LRGUK: variants seen among roughly 807,000 people sequenced by gnomAD.
The protein encoded by LRGUK is leucine rich repeats and guanylate kinase domain containing.
LRGUK carries 65 observed loss-of-function variants against 76.0 expected under a neutral mutation model. That is an observed-to-expected ratio of 0.85 (90% CI 0.70 to 1.05). The LOEUF is 1.05. Ranked by LOEUF, LRGUK falls within the 50% of genes least tolerant of loss-of-function variation. LRGUK has a pLI of 0.00. For missense variants in LRGUK, 758 were observed against 732.8 expected (o/e 1.03, Z -0.40); for synonymous variants, 268 against 265.6 (o/e 1.01, Z -0.09).
intron 7 of LRGUK, among the ~76,000 whole-genome samples, chr7:134,173,612 CTT>C (rs970606780): frequency 6.7e-6 from 1 of 149,886 alleles, no homozygotes; most frequent in African/African-American, 2.4e-5. Context: ...GTCAAGCAAT[CTT>C]TTTTTTTTCT....
At chr7:134,268,221 T>C (rs1385218036), downstream of LRGUK, among the ~76,000 whole-genome samples, 9 of 151,894 alleles carry the variant, frequency 5.9e-5, no homozygotes, top group Non-Finnish European at 1.3e-4. Flanking sequence ...GACTATCTAT[T>C]TAGTAAAAAC....
intron 13 of LRGUK, among the ~76,000 whole-genome samples, chr7:134,197,371 AG>A (rs1163792132): frequency 1.5e-4 from 23 of 152,240 alleles, no homozygotes; most frequent in Non-Finnish European, 5.9e-5. Flanking sequence ...ATTAAGTGAC[AG>A]GAGTTCGGTT....
At chr7:134,215,646 T>C (rs1322761402) in intron 15 of LRGUK, among the ~76,000 whole-genome samples, 1 of 152,154 alleles carries the variant, frequency 6.6e-6, no homozygotes. Context: ...TCAGCTTACT[T>C]CCTTGCCTTT....
chr7:134,148,360 T>C, intron 5 of LRGUK, 41 bp downstream of exon 5: 1 of 1,197,732 alleles, frequency 8.3e-7, no homozygotes, highest in Non-Finnish European at 1.2e-6. Context: ...TTAAAAACAA[T>C]ATAAAAATTA....
the LRGUK span, among the ~76,000 whole-genome samples, chr7:134,271,781 G>A: frequency 6.6e-6 from 1 of 151,944 alleles, no homozygotes; most frequent in Non-Finnish European, 1.5e-5. Flanking sequence ...TATCTTTAGT[G>A]AGATTTATTC....
chr7:134,174,517 C>A (rs1229727976), intron 7 of LRGUK, 39 bp from the exon 8 acceptor site: 2 of 1,202,798 alleles, frequency 1.7e-6, no homozygotes, highest in Admixed American at 1.8e-5. Context: ...TGTCTTTGTG[C>A]ATTTAGTCTG....
the LRGUK span, among the ~76,000 whole-genome samples, chr7:134,275,999 C>T: frequency 6.6e-6 from 1 of 152,154 alleles, no homozygotes; most frequent in Non-Finnish European, 1.5e-5. Context: ...GAAGCAAGCT[C>T]CATTCCACAG....
chr7:134,145,522 C>T (rs1401655027), intron 4 of LRGUK, among the ~76,000 whole-genome samples: 1 of 152,226 alleles, frequency 6.6e-6, no homozygotes, highest in African/African-American at 2.4e-5. Context: ...GCTGGGATTA[C>T]AGGTGTGAGC....
At chr7:134,148,277 G>C (rs1000509653) in exon 5 of LRGUK, 4 of 1,606,718 alleles carry the variant, frequency 2.5e-6, no homozygotes, top group Non-Finnish European at 3.4e-6. Flanking sequence ...TGAAATTTGT[G>C]ATTTGTCAGC....
At chr7:134,241,935 C>A (rs1302157957) in intron 16 of LRGUK, among the ~76,000 whole-genome samples, 1 of 152,206 alleles carries the variant, frequency 6.6e-6, no homozygotes, top group Non-Finnish European at 1.5e-5. Context: ...GGAAACTGAA[C>A]AACCTGCTCC....
intron 16 of LRGUK, among the ~76,000 whole-genome samples, chr7:134,234,364 C>T (rs933091312): frequency 1.1e-4 from 17 of 151,886 alleles, no homozygotes; most frequent in Non-Finnish European, 7.4e-5. Flanking sequence ...GTTGTCTGAC[C>T]GCCTGCATGG....
At chr7:134,156,449 A>C (rs972231618) in intron 5 of LRGUK, among the ~76,000 whole-genome samples, 4 of 152,234 alleles carry the variant, frequency 2.6e-5, no homozygotes, top group East Asian at 1.9e-4. Context: ...GAAATACTTA[A>C]GATATTGATT....
the LRGUK span, among the ~76,000 whole-genome samples, chr7:134,270,844 G>A: frequency 6.6e-6 from 1 of 152,162 alleles, no homozygotes; most frequent in South Asian, 2.1e-4. Flanking sequence ...ACATTCTTGT[G>A]TAGGGGTGGA....
chr7:134,199,182 A>G (rs774117601), intron 13 of LRGUK, 38 bp from the exon 14 acceptor site: 4 of 1,549,256 alleles, frequency 2.6e-6, no homozygotes, highest in Non-Finnish European at 3.6e-6. Context: ...TAAATCATGT[A>G]TCTGTTTCCA....
intron 9 of LRGUK, 127 bp from the exon 10 acceptor site, chr7:134,178,376 T>C (rs898333546): frequency 3.5e-6 from 2 of 572,950 alleles, no homozygotes; most frequent in East Asian, 2.9e-5. Flanking sequence ...TGTTAATGGG[T>C]GTGTGTTAAA....
intron 11 of LRGUK, among the ~76,000 whole-genome samples, chr7:134,188,246 T>G (rs1312077510): frequency 6.6e-6 from 1 of 151,832 alleles, no homozygotes; most frequent in Non-Finnish European, 1.5e-5. Context: ...GAGATAGAAA[T>G]AAAAGAGAAG....
At chr7:134,183,978 G>T in intron 11 of LRGUK, 125 bp downstream of exon 11, 1 of 1,260,656 alleles carries the variant, frequency 7.9e-7, no homozygotes, top group Non-Finnish European at 1.1e-6. Context: ...TTTCAGAAAT[G>T]TACAAAACAA....
rs556617143 is a variant in LRGUK at position 134,197,170 on chromosome 7, T to C, written c.1545+65T>C. ...TGTGTGAGTGTGGTGTGTGTGTATG[T>C]GTGTGTGTGTGTGTATATATGTATA... On this transcript the variant is annotated intron_variant, in intron 13 of 15. Coordinates refer to ENST00000645682, the Ensembl canonical transcript of LRGUK. 223 of 483,914 alleles carry C rather than the reference T, an allele frequency of 4.6e-4. No individual in the cohort carries two copies. The East Asian group carries it at 7.7e-3, about 17-fold the overall frequency. 30.0% of individuals were successfully genotyped at this position (483,914 alleles called of 1,614,324 possible).
chr7:134,161,914 G>A lies in LRGUK; in HGVS notation c.796-1483G>A, dbSNP rs111563804. On this transcript the variant is annotated intron_variant, in intron 6 of 15. Coordinates refer to ENST00000645682, the Ensembl canonical transcript of LRGUK. ...TCACCATGTTAGCCAGGATGGTCTCGATCTCCTGACCTCGTGATCCGCCTG... is the reference window on the plus strand; with the variant it reads ...TCACCATGTTAGCCAGGATGGTCTCAATCTCCTGACCTCGTGATCCGCCTG... Among the ~76,000 whole-genome samples the A allele has an allele frequency of 1.1e-4, 17 of 152,086 alleles. 1 individual carries two copies. Among genetic ancestry groups the A allele is most frequent in the African/African-American group, 3.9e-4 (16 of 41,518 alleles).
Sources: gnomAD v4.1 joint callset for allele counts (sites outside exome capture counted in the v4.1 genomes callset) on GRCh38, gnomAD v4.1.1 for gene constraint, MANE v1.5 for transcripts, NCBI Gene and HGNC (gene_info 2026-07-23, HGNC 2026-07-21) for gene names.